Variants in TMEM26 observed in about 807,000 individuals in gnomAD.
The protein encoded by TMEM26 is transmembrane protein 26.
Under a neutral mutation model 28.8 loss-of-function variants are expected in TMEM26, and 38 were observed. That is an observed-to-expected ratio of 1.32 (90% CI 1.02 to 1.73). The LOEUF is 1.73. Ranked by LOEUF, TMEM26 falls within the 40% of genes most tolerant of loss-of-function variation. The pLI is 0.00. For missense variants in TMEM26, 518 were observed against 447.1 expected (o/e 1.16, Z -1.43); for synonymous variants, 227 against 182.9 (o/e 1.24, Z -1.95).
chr10:61,436,878 G>A (rs940591317), intron 1 of TMEM26, among the ~76,000 whole-genome samples: 1 of 152,104 alleles, frequency 6.6e-6, no homozygotes, highest in African/African-American at 2.4e-5. Context: ...ATTCAGAAAG[G>A]AATCCGAAGA....
At chr10:61,424,600 A>G (rs1839799984) in intron 4 of TMEM26, among the ~76,000 whole-genome samples, 1 of 152,170 alleles carries the variant, frequency 6.6e-6, no homozygotes, top group Non-Finnish European at 1.5e-5. Context: ...ATAAAAATGC[A>G]AAGCACCTAC....
chr10:61,413,454 C>A lies in TMEM26; in HGVS notation c.682+5G>T, dbSNP rs199703656. 2.5e-6 allele frequency: 4 copies of A among 1,611,594 alleles called. No homozygotes were observed. Among genetic ancestry groups the A allele is most frequent in the Non-Finnish European group, 3.4e-6 (4 of 1,178,920 alleles). On this transcript the variant is annotated splice_donor_5th_base_variant and intron_variant, in intron 5 of 5. Transcript: ENST00000399298. ...ATTTCTTTGCACAAACATCAGGATA[C>A]TTACCTGCCAGGTCAAGTGGAAACT... is the stretch of plus-strand genomic sequence containing the variant.
In TMEM26 at chr10:61,408,477, T is replaced by C. The variant is rs148821802; in HGVS notation, c.*1845A>G. On this transcript the variant is annotated 3_prime_UTR_variant, in exon 6 of 6. Coordinates refer to ENST00000399298, the MANE Select transcript of TMEM26 (RefSeq NM_178505.8). The stretch of plus-strand genomic sequence containing the variant: ...AAGAAAAAAATTAAAACATGAAAAG[T>C]ATGCCATGAGCAAATCTGCAATAAT... 74 of 152,328 alleles carry C rather than the reference T, an allele frequency of 4.9e-4. No individual in the cohort carries two copies. Among genetic ancestry groups the C allele is most frequent in the African/African-American group, 1.7e-3 (69 of 41,580 alleles). The allele number at this position is 152,328 out of a possible 1,614,324, so 9.4% of individuals were successfully genotyped here.
intron 4 of TMEM26, among the ~76,000 whole-genome samples, chr10:61,423,188 A>G (rs894227159): frequency 6.6e-6 from 1 of 152,206 alleles, no homozygotes; most frequent in African/African-American, 2.4e-5. Context: ...AAAAGTAATG[A>G]TATTAAATTG....
Position 61,453,154 on chromosome 10 carries a change from C to CACA in TMEM26, c.-74_-73insTGT, listed in dbSNP as rs1840322699. 1 of 1,502,634 alleles carries CACA rather than the reference C, an allele frequency of 6.7e-7. No individual in the cohort carries two copies. Among genetic ancestry groups the CACA allele is most frequent in the Non-Finnish European group, 9.1e-7 (1 of 1,102,484 alleles). 93.1% of individuals were successfully genotyped at this position (1,502,634 alleles called of 1,614,324 possible). Reference sequence around the variant, plus strand: ...CCCTGCCGGGCGTGCCCGGAGCCCACCGGTGAGCAGGAATATGACAAGCAC... The same window carrying CACA: ...CCCTGCCGGGCGTGCCCGGAGCCCACACACGGTGAGCAGGAATATGACAAGCAC... On this transcript the variant is annotated 5_prime_UTR_variant, in exon 1 of 6. Transcript: ENST00000399298.
At chr10:61,433,327 T>C (rs1401921634) in intron 2 of TMEM26, among the ~76,000 whole-genome samples, 1 of 152,196 alleles carries the variant, frequency 6.6e-6, no homozygotes, top group East Asian at 1.9e-4. Context: ...AAACCTAGCC[T>C]GACTTGTATT....
chr10:61,435,900 G>A (rs567666584), intron 2 of TMEM26, among the ~76,000 whole-genome samples: 18 of 152,128 alleles, frequency 1.2e-4, no homozygotes, highest in Admixed American at 4.6e-4. Flanking sequence ...TAGGGTGGGG[G>A]ACAGGGGAAG....
chr10:61,440,786 A>G (rs959932334), intron 1 of TMEM26, among the ~76,000 whole-genome samples: 3 of 152,194 alleles, frequency 2.0e-5, no homozygotes, highest in African/African-American at 7.2e-5. Context: ...AAGCAATTCT[A>G]AATAACGCAA....
intron 4 of TMEM26, among the ~76,000 whole-genome samples, chr10:61,428,586 G>C (rs1839868999): frequency 6.6e-6 from 1 of 152,040 alleles, no homozygotes; most frequent in Admixed American, 6.6e-5. Context: ...GAATGGAAAA[G>C]AGGAGCTGGG....
At chr10:61,418,250 G>A (rs1388334478) in intron 4 of TMEM26, among the ~76,000 whole-genome samples, 1 of 151,980 alleles carries the variant, frequency 6.6e-6, no homozygotes, top group Non-Finnish European at 1.5e-5. Flanking sequence ...GATGGAGGTT[G>A]GTCAATTTGA....
At chr10:61,440,761 T>A (rs961537262) in intron 1 of TMEM26, among the ~76,000 whole-genome samples, 4 of 152,184 alleles carry the variant, frequency 2.6e-5, no homozygotes, top group African/African-American at 9.7e-5. Flanking sequence ...TTGATATCGT[T>A]TAAGTGTTGA....
chr10:61,447,061 A>C (rs1028526106), intron 1 of TMEM26, among the ~76,000 whole-genome samples: 2 of 152,180 alleles, frequency 1.3e-5, no homozygotes, highest in South Asian at 2.1e-4. Flanking sequence ...GAGAGATTTC[A>C]GGCAACTTGG....
chr10:61,409,154 A>T lies in TMEM26; in HGVS notation c.*1168T>A, dbSNP rs548739893. ...CAAAAATCACTTTAAAAGGTTCTGA[A>T]TCACCTCCATCTGGAAAGTATAGAG... On this transcript the variant is annotated 3_prime_UTR_variant, in exon 6 of 6. Transcript: ENST00000399298. 2 of 152,262 alleles carry T rather than the reference A, an allele frequency of 1.3e-5. No individual in the cohort carries two copies. The highest frequency in any genetic ancestry group is 1.3e-4 in the Admixed American group (2 of 15,284). 9.4% of individuals were successfully genotyped at this position (152,262 alleles called of 1,614,324 possible). A position where few individuals can be genotyped will look rare whatever the true frequency, so the allele number is the denominator to read the frequency against.
intron 4 of TMEM26, chr10:61,415,190 C>T: frequency 4.1e-6 from 4 of 981,088 alleles, no homozygotes; most frequent in Non-Finnish European, 3.6e-6. Flanking sequence ...GAAGAAAGAG[C>T]ATTTCACAGC....
chr10:61,415,569 G>T (rs1386096691), intron 4 of TMEM26, among the ~76,000 whole-genome samples: 1 of 152,004 alleles, frequency 6.6e-6, no homozygotes, highest in African/African-American at 2.4e-5. Flanking sequence ...ATTTTATCAA[G>T]GAGGTAAAAG....
intron 1 of TMEM26, among the ~76,000 whole-genome samples, chr10:61,451,262 T>G (rs921092492): frequency 2.0e-5 from 3 of 152,210 alleles, no homozygotes; most frequent in African/African-American, 7.2e-5. Flanking sequence ...AAAGTTCCAT[T>G]GGCTATAGTA....
chr10:61,437,671 C>T (rs972251328), intron 1 of TMEM26, among the ~76,000 whole-genome samples: 1 of 151,944 alleles, frequency 6.6e-6, no homozygotes, highest in African/African-American at 2.4e-5. Flanking sequence ...TGTAATCCCA[C>T]CTATTCAGGT....
intron 2 of TMEM26, among the ~76,000 whole-genome samples, chr10:61,435,190 AC>A (rs995747773): frequency 5.3e-5 from 8 of 152,216 alleles, no homozygotes; most frequent in African/African-American, 1.9e-4. Context: ...ATTGGAAGCT[AC>A]TTTTTCTTTG....
intron 1 of TMEM26, among the ~76,000 whole-genome samples, chr10:61,437,438 A>G (rs926558870): frequency 9.2e-5 from 14 of 152,160 alleles, no homozygotes; most frequent in African/African-American, 2.7e-4. Context: ...TACAACATAA[A>G]TGTGTCCTTA....
Sources: allele counts gnomAD v4.1 joint callset (sites outside exome capture counted in the v4.1 genomes callset), GRCh38; gene constraint gnomAD v4.1.1; transcripts MANE v1.5; gene names NCBI Gene and HGNC (gene_info 2026-07-23, HGNC 2026-07-21).